The following SLC39A12 variants were observed in gnomAD, a reference collection of about 807,000 sequenced individuals.
SLC39A12 encodes zinc transporter ZIP12.
A neutral mutation model predicts 71.1 loss-of-function variants in SLC39A12; 63 were observed. That is an observed-to-expected ratio of 0.89 (90% CI 0.72 to 1.09). The LOEUF is 1.09. Among genes scored for constraint, SLC39A12 ranks in the 50% least tolerant of loss-of-function variants. The probability of loss-of-function intolerance (pLI) is 0.00; values close to 1 mark genes in which losing one functional copy is unlikely to be tolerated. For synonymous variants in SLC39A12, 351 were observed against 301.3 expected (o/e 1.16, Z -1.71); for missense variants, 892 against 812.6 (o/e 1.10, Z -1.19).
At chr10:18,003,402 A>G (rs779681937) in intron 12 of SLC39A12, 44 bp downstream of exon 12, 1 of 1,532,316 alleles carries the variant, frequency 6.5e-7, no homozygotes, top group Non-Finnish European at 8.8e-7. Flanking sequence ...AAGCACTGAA[A>G]ATGTAAAACA....
chr10:18,027,562 A>G (rs1836713358), intron 12 of SLC39A12, among the ~76,000 whole-genome samples: 1 of 152,172 alleles, frequency 6.6e-6, no homozygotes, highest in Non-Finnish European at 1.5e-5. Context: ...TTAAACTCAG[A>G]GTTGTCCAGG....
intron 12 of SLC39A12, chr10:18,005,847 G>T (rs966370755): frequency 4.5e-5 from 6 of 133,056 alleles, no homozygotes; most frequent in African/African-American, 1.3e-4. Context: ...CTGGCAGAAA[G>T]ACAGGAAAAA....
intron 4 of SLC39A12, among the ~76,000 whole-genome samples, chr10:17,975,530 G>A (rs945396423): frequency 1.3e-5 from 2 of 152,030 alleles, no homozygotes; most frequent in African/African-American, 4.8e-5. Context: ...CTGTGGCTGA[G>A]CTGGTATCCA....
At chr10:17,991,529 T>C (rs959463044) in intron 8 of SLC39A12, among the ~76,000 whole-genome samples, 1 of 152,154 alleles carries the variant, frequency 6.6e-6, no homozygotes, top group Non-Finnish European at 1.5e-5. Context: ...TCAACCTTCA[T>C]GGTTGGTTTA....
chr10:17,964,685 G>T (rs558926501), intron 3 of SLC39A12, among the ~76,000 whole-genome samples: 1 of 152,208 alleles, frequency 6.6e-6, no homozygotes, highest in African/African-American at 2.4e-5. Context: ...TACCAGATTT[G>T]ACATGCAATG....
At chr10:18,039,059 T>C (rs1393321946) in intron 12 of SLC39A12, among the ~76,000 whole-genome samples, 2 of 152,236 alleles carry the variant, frequency 1.3e-5, no homozygotes, top group African/African-American at 2.4e-5. Context: ...ACCTATACTT[T>C]ATAAGTCTTT....
At chr10:17,986,123 A>G (rs1241070001) in intron 6 of SLC39A12, among the ~76,000 whole-genome samples, 3 of 152,226 alleles carry the variant, frequency 2.0e-5, no homozygotes, top group African/African-American at 7.2e-5. Flanking sequence ...CCTATGTAAC[A>G]GCTAGTCTTT....
At chr10:18,029,321 G>T (rs1564662628) in intron 12 of SLC39A12, among the ~76,000 whole-genome samples, 1 of 152,128 alleles carries the variant, frequency 6.6e-6, no homozygotes, top group Non-Finnish European at 1.5e-5. Context: ...GCATTTTAAG[G>T]AATTTCTTAC....
intron 10 of SLC39A12, 51 bp downstream of exon 10, chr10:17,995,773 T>C: frequency 2.0e-6 from 3 of 1,472,384 alleles, no homozygotes; most frequent in Non-Finnish European, 2.8e-6. Flanking sequence ...GAAAAACAGT[T>C]ATGTCTGTTT....
chr10:18,012,754 T>C (rs540901344), intron 12 of SLC39A12, among the ~76,000 whole-genome samples: 1 of 151,184 alleles, frequency 6.6e-6, no homozygotes, highest in South Asian at 2.1e-4. Flanking sequence ...GTAGTCCAGC[T>C]ACTCAGGAGG....
At chr10:18,042,669 T>C (rs1287216254) in intron 12 of SLC39A12, 36 bp from the exon 13 acceptor site, 3 of 1,590,778 alleles carry the variant, frequency 1.9e-6, no homozygotes, top group African/African-American at 2.7e-5. Context: ...GTTGAATATA[T>C]CTGGATCTTA....
chr10:18,026,324 G>A (rs1287195497), intron 12 of SLC39A12, among the ~76,000 whole-genome samples: 2 of 152,184 alleles, frequency 1.3e-5, no homozygotes, highest in East Asian at 1.9e-4. Flanking sequence ...TTAGTAGGGT[G>A]CAGGATTTTC....
At chr10:17,996,253 C>T (rs1371009271) in intron 10 of SLC39A12, among the ~76,000 whole-genome samples, 2 of 114,404 alleles carry the variant, frequency 1.7e-5, no homozygotes, top group Non-Finnish European at 3.9e-5. Flanking sequence ...GATGTTTTTT[C>T]TATGATTTTT....
intron 12 of SLC39A12, among the ~76,000 whole-genome samples, chr10:18,036,780 A>ATTTTTTT (rs1564665960): frequency 5.7e-4 from 4 of 7,052 alleles, no homozygotes; most frequent in African/African-American, 2.5e-3. Context: ...ATATATATAT[A>ATTTTTTT]TATATATATA....
intron 10 of SLC39A12, among the ~76,000 whole-genome samples, chr10:17,996,125 A>T (rs925625534): frequency 2.0e-5 from 3 of 152,248 alleles, no homozygotes; most frequent in African/African-American, 7.2e-5. Context: ...AATTCATCAC[A>T]AATGCGTCTT....
intron 5 of SLC39A12, among the ~76,000 whole-genome samples, chr10:17,981,057 A>G (rs911484927): frequency 7.9e-5 from 12 of 152,200 alleles, no homozygotes; most frequent in Non-Finnish European, 1.5e-4. Context: ...CTTTCTAGGA[A>G]AGAAAAACTG....
At chr10:17,954,407 C>G (rs1050344423) in intron 2 of SLC39A12, among the ~76,000 whole-genome samples, 2 of 152,250 alleles carry the variant, frequency 1.3e-5, no homozygotes, top group East Asian at 3.9e-4. Context: ...GCACCCACCA[C>G]CACGGCCGGC....
rs755132108 is a variant in SLC39A12, at chr10:17,965,469, G to A, written c.544-14G>A. 19 of 1,610,146 alleles carry A rather than the reference G, an allele frequency of 1.2e-5. 1 individual carries two copies. The South Asian group carries it at 1.9e-4, about 16-fold the overall frequency. On this transcript the variant is annotated splice_polypyrimidine_tract_variant and intron_variant, in intron 3 of 12. Coordinates refer to ENST00000377369, the MANE Select transcript of SLC39A12 (RefSeq NM_001145195.2). The stretch of plus-strand genomic sequence containing the variant: ...GATGTTACAATTTTCTCTTTATTTT[G>A]TATCTGATTTCAGTGTATGGAAACC...
intron 5 of SLC39A12, among the ~76,000 whole-genome samples, chr10:17,980,057 A>G (rs1483657965): frequency 1.3e-5 from 2 of 152,210 alleles, no homozygotes; most frequent in Non-Finnish European, 2.9e-5. Flanking sequence ...GGTTGTGGGC[A>G]AAGATCATGC....
Sources: gnomAD v4.1 joint callset for allele counts (sites outside exome capture counted in the v4.1 genomes callset) on GRCh38, gnomAD v4.1.1 for gene constraint, MANE v1.5 for transcripts, NCBI Gene and HGNC (gene_info 2026-07-23, HGNC 2026-07-21) for gene names.